Variants in JAKMIP1 observed in about 807,000 individuals in gnomAD.
JAKMIP1 encodes the protein janus kinase and microtubule-interacting protein 1.
In JAKMIP1, 33 loss-of-function variants were observed where a neutral mutation model predicts 113.0. That is an observed-to-expected ratio of 0.29 (90% CI 0.22 to 0.39). The LOEUF (loss-of-function observed/expected upper bound fraction) is 0.39, where lower values mean the gene tolerates loss of function less well. Ranked by LOEUF, JAKMIP1 falls within the 10% of genes least tolerant of loss-of-function variation. JAKMIP1 has a pLI of 1.00. For missense variants in JAKMIP1, 813 were observed against 1,080.5 expected (o/e 0.75, Z 3.47); for synonymous variants, 480 against 459.9 (o/e 1.04, Z -0.56).
At chr4:6,133,288 G>T (rs77133606) in intron 1 of JAKMIP1, among the ~76,000 whole-genome samples, 1,795 of 152,266 alleles carry the variant, frequency 0.012, 42 homozygotes, top group African/African-American at 0.041. Flanking sequence ...TAATGGGGAT[G>T]GTGACTTCGA....
At chr4:6,148,550 G>A (rs949957537) in intron 1 of JAKMIP1, among the ~76,000 whole-genome samples, 2 of 152,268 alleles carry the variant, frequency 1.3e-5, no homozygotes, top group Admixed American at 6.5e-5. Flanking sequence ...AAGGTGGCAG[G>A]AGCCAATTTC....
chr4:6,123,918 T>G (rs1717055449), intron 1 of JAKMIP1, among the ~76,000 whole-genome samples: 2 of 152,228 alleles, frequency 1.3e-5, no homozygotes, highest in Non-Finnish European at 2.9e-5. Context: ...ACAAGGTGCT[T>G]GCTGTCTCTT....
intron 1 of JAKMIP1, among the ~76,000 whole-genome samples, chr4:6,160,701 C>A (rs78010524): frequency 6.6e-6 from 1 of 152,106 alleles, no homozygotes; most frequent in Non-Finnish European, 1.5e-5. Context: ...CCAGCCTCCA[C>A]GCCTCCCTGC....
At chr4:6,119,978 A>G (rs539217379) in intron 1 of JAKMIP1, among the ~76,000 whole-genome samples, 4 of 152,228 alleles carry the variant, frequency 2.6e-5, no homozygotes, top group Non-Finnish European at 5.9e-5. Context: ...CTCCTTCAAG[A>G]CAACTCAAGT....
Position 6,081,236 on chromosome 4 carries a change from C to T in JAKMIP1, c.1101+373G>A, listed in dbSNP as rs11736113. The stretch of plus-strand genomic sequence containing the variant: ...CCAGCGATCATTGTAACAGCTTTCA[C>T]TTGCTGGGTGTCCTCTGGGCCCGTT... On this transcript the variant is annotated intron_variant, in intron 6 of 20. Transcript: ENST00000409021. The surrounding 1 kb of genome is among the most constrained non-coding windows in gnomAD (Gnocchi z 4.6). Among the ~76,000 whole-genome samples the T allele has an allele frequency of 4.3e-3, 654 of 152,366 alleles. 3 individuals carry two copies. The highest frequency in any genetic ancestry group is 6.8e-3 in the Non-Finnish European group (465 of 68,034).
intron 18 of JAKMIP1, among the ~76,000 whole-genome samples, chr4:6,039,842 T>C (rs1714082671): frequency 6.6e-6 from 1 of 152,194 alleles, no homozygotes; most frequent in African/African-American, 2.4e-5. Flanking sequence ...GAGCCTGTCA[T>C]GGGAAGTAGA....
At position 6,076,111 on chromosome 4, in the gene JAKMIP1, G is replaced by T. The variant is rs1448572620; in HGVS notation, c.1302+2828C>A. On this transcript the variant is annotated intron_variant, in intron 8 of 20. Transcript: ENST00000409021. This position sits in a 1 kb window ranked among gnomAD's most constrained non-coding sequence, Gnocchi z 4.8. ...GAATCGCTTGAACCTGGGAGGCAGA[G>T]GTTGCAATGAGCCGAGATTGTGCCA... 9.9e-5 allele frequency among the ~76,000 whole-genome samples: 15 copies of T among 152,194 alleles called. No individual in the cohort carries two copies. Among genetic ancestry groups the T allele is most frequent in the Admixed American group, 9.8e-4 (15 of 15,270 alleles).
At chr4:6,033,750 G>GA (rs963690473) in intron 19 of JAKMIP1, among the ~76,000 whole-genome samples, 5 of 152,010 alleles carry the variant, frequency 3.3e-5, no homozygotes, top group African/African-American at 4.8e-5. Flanking sequence ...TCCTGGAGGG[G>GA]AAAAAAATCA....
rs1043582999 is a variant in JAKMIP1, at chr4:6,051,929, G to T, written c.1807-1250C>A. Among the ~76,000 whole-genome samples, 1 of 152,160 alleles carries T rather than the reference G, an allele frequency of 6.6e-6. No homozygotes were observed. Among genetic ancestry groups the T allele is most frequent in the Admixed American group, 6.5e-5 (1 of 15,276 alleles). ...TTTAAATCAAACTGCTTTAGTTTGA[G>T]CAGAGTTACGGTAAGGTAAAAAATA... On this transcript the variant is annotated intron_variant, in intron 13 of 20. Transcript: ENST00000409021. This position sits in a 1 kb window ranked among gnomAD's most constrained non-coding sequence, Gnocchi z 5.0.
At chr4:6,131,154 C>A in intron 1 of JAKMIP1, among the ~76,000 whole-genome samples, 1 of 10,088 alleles carries the variant, frequency 9.9e-5, no homozygotes, top group Non-Finnish European at 2.1e-4. Context: ...AGAGTAAGAC[C>A]TTGCCTCCAA....
intron 1 of JAKMIP1, among the ~76,000 whole-genome samples, chr4:6,147,477 C>T (rs988604471): frequency 2.0e-5 from 3 of 152,194 alleles, no homozygotes; most frequent in Non-Finnish European, 4.4e-5. Context: ...CTGACAGCCT[C>T]GTCTGTCTCC....
At chr4:6,033,439 G>A (rs1231263393) in intron 19 of JAKMIP1, among the ~76,000 whole-genome samples, 1 of 152,232 alleles carries the variant, frequency 6.6e-6, no homozygotes, top group Non-Finnish European at 1.5e-5. Flanking sequence ...ACATGATAAT[G>A]ATTAGGTTGG....
chr4:6,170,488 C>A (rs1459149413), intron 1 of JAKMIP1, among the ~76,000 whole-genome samples: 1 of 150,764 alleles, frequency 6.6e-6, no homozygotes, highest in Non-Finnish European at 1.5e-5. Flanking sequence ...TCACAACCAC[C>A]CCCAGCACCC....
In JAKMIP1 at chr4:6,076,134, C is replaced by G. The variant is rs772467897; in HGVS notation, c.1302+2805G>C. The stretch of plus-strand genomic sequence containing the variant: ...GAGGTTGCAATGAGCCGAGATTGTG[C>G]CATTGCACTCCAGCCCAGGCAACAA... On this transcript the variant is annotated intron_variant, in intron 8 of 20. Coordinates refer to ENST00000409021, the MANE Select transcript of JAKMIP1 (RefSeq NM_001099433.2). This position sits in a 1 kb window ranked among gnomAD's most constrained non-coding sequence, Gnocchi z 4.8. Among the ~76,000 whole-genome samples the G allele has an allele frequency of 3.9e-5, 6 of 152,116 alleles. No individual in the cohort carries two copies. The highest frequency in any genetic ancestry group is 8.8e-5 in the Non-Finnish European group (6 of 68,020).
At chr4:6,066,435 T>A (rs1430337320) in intron 8 of JAKMIP1, among the ~76,000 whole-genome samples, 1 of 152,056 alleles carries the variant, frequency 6.6e-6, no homozygotes, top group Admixed American at 6.5e-5. Context: ...GCATCACCCC[T>A]CCCACATTCC....
Position 6,082,530 on chromosome 4 carries a change from G to C in JAKMIP1, c.955-775C>G, listed in dbSNP as rs187279241. On this transcript the variant is annotated intron_variant, in intron 5 of 20. Transcript: ENST00000409021. ...ATGACATGTGTCACTTTGACAAAGG[G>C]TCTCACTTCGTCACCCAGGCTTGAG... Among the ~76,000 whole-genome samples, 335 of 151,850 alleles carry C rather than the reference G, an allele frequency of 2.2e-3. 1 individual carries two copies. Among genetic ancestry groups the C allele is most frequent in the Admixed American group, 4.0e-3 (61 of 15,246 alleles).
At chr4:6,163,056 T>C (rs959666568) in intron 1 of JAKMIP1, among the ~76,000 whole-genome samples, 20 of 152,180 alleles carry the variant, frequency 1.3e-4, no homozygotes, top group Admixed American at 1.3e-4. Flanking sequence ...AAAACAGCTG[T>C]ACCCATGAGA....
At chr4:6,145,574 T>C (rs1242722126) in intron 1 of JAKMIP1, among the ~76,000 whole-genome samples, 1 of 152,158 alleles carries the variant, frequency 6.6e-6, no homozygotes, top group Non-Finnish European at 1.5e-5. Context: ...CTTGAAGAGA[T>C]ATTTGTGCAC....
In JAKMIP1 at chr4:6,138,600, C is replaced by T. The variant is rs1323637352; in HGVS notation, c.-147-25603G>A. The stretch of plus-strand genomic sequence containing the variant: ...CATTTTAAACACAGAAGCAGAAAAC[C>T]AAATATTTTGACGATGTTAACTACA... On this transcript the variant is annotated intron_variant, in intron 1 of 20. Coordinates refer to ENST00000409021, the MANE Select transcript of JAKMIP1 (RefSeq NM_001099433.2). The surrounding 1 kb of genome is among the most constrained non-coding windows in gnomAD (Gnocchi z 6.0). Among the ~76,000 whole-genome samples, 1 of 152,044 alleles carries T rather than the reference C, an allele frequency of 6.6e-6. No homozygotes were observed. The highest frequency in any genetic ancestry group is 1.9e-4 in the East Asian group (1 of 5,180).
Sources: allele counts gnomAD v4.1 joint callset (sites outside exome capture counted in the v4.1 genomes callset), GRCh38; gene constraint gnomAD v4.1.1; non-coding constraint Gnocchi (gnomAD v3.1); transcripts MANE v1.5; gene names NCBI Gene and HGNC (gene_info 2026-07-23, HGNC 2026-07-21).